The following REPS2 variants were observed in gnomAD, a reference collection of about 807,000 sequenced individuals.
The protein encoded by REPS2 is ralBP1-associated Eps domain-containing protein 2.
In REPS2, 23 loss-of-function variants were observed where a neutral mutation model predicts 53.6. The ratio of observed to expected loss-of-function variants is 0.43; its 90% CI spans 0.31 to 0.61. The LOEUF is 0.61. REPS2 is among the 20% of genes least tolerant of loss of function. The pLI is 0.11. For synonymous variants in REPS2, 238 were observed against 218.6 expected (o/e 1.09, Z -0.78); for missense variants, 446 against 534.9 (o/e 0.83, Z 1.64).
At chrX:16,969,195 T>G (rs1169274356) in intron 1 of REPS2, among the ~76,000 whole-genome samples, 2 of 106,820 alleles carry the variant, frequency 1.9e-5, no homozygotes, top group Non-Finnish European at 3.9e-5. Flanking sequence ...GCTCCTCACT[T>G]CCTAGATGGG....
intron 1 of REPS2, among the ~76,000 whole-genome samples, chrX:17,001,576 T>C (rs1170214634): frequency 8.9e-6 from 1 of 112,426 alleles, no homozygotes; most frequent in Non-Finnish European, 1.9e-5. Context: ...AAAAATGCAG[T>C]GCATGAACAT....
chrX:17,170,606 C>T, the REPS2 span, among the ~76,000 whole-genome samples: 2 of 112,500 alleles, frequency 1.8e-5, no homozygotes, highest in African/African-American at 6.5e-5. Context: ...TTCTGCCATG[C>T]ACTACTGAGA....
chrX:17,190,256 A>C, the REPS2 span, among the ~76,000 whole-genome samples: 2 of 112,347 alleles, frequency 1.8e-5, no homozygotes, highest in Admixed American at 9.4e-5. Flanking sequence ...TCTACAAGAA[A>C]ACTCCTAGAA....
chrX:17,100,644 T>C (rs1261187201), intron 13 of REPS2, among the ~76,000 whole-genome samples: 2 of 112,297 alleles, frequency 1.8e-5, no homozygotes, highest in African/African-American at 6.5e-5. Flanking sequence ...ATGCTCCCCT[T>C]TGAGATCAAG....
chrX:17,082,918 C>T (rs771721820), intron 13 of REPS2, among the ~76,000 whole-genome samples: 17 of 110,809 alleles, frequency 1.5e-4, no homozygotes, highest in Non-Finnish European at 2.6e-4. Context: ...GCTTTTCACT[C>T]TTTAGCTGCA....
intron 1 of REPS2, among the ~76,000 whole-genome samples, chrX:16,975,264 C>T (rs781734854): frequency 2.7e-5 from 3 of 111,803 alleles, no homozygotes; most frequent in Non-Finnish European, 3.8e-5. Context: ...ATGGTATTTC[C>T]GTTTTTAGGT....
intron 4 of REPS2, among the ~76,000 whole-genome samples, chrX:17,027,659 G>GTT (rs761592588): frequency 0.058 from 3,878 of 67,238 alleles, 129 homozygotes; most frequent in Non-Finnish European, 0.08. Context: ...AAATCTTTAG[G>GTT]TTTTTTTTTT....
intron 5 of REPS2, among the ~76,000 whole-genome samples, chrX:17,038,207 T>C (rs2061790389): frequency 8.9e-6 from 1 of 112,212 alleles, no homozygotes; most frequent in African/African-American, 3.2e-5. Flanking sequence ...AAACTGACAA[T>C]TGCCCTAAAG....
At chrX:17,133,159 T>C (rs2063317209) in intron 14 of REPS2, among the ~76,000 whole-genome samples, 1 of 111,283 alleles carries the variant, frequency 9.0e-6, no homozygotes, top group Admixed American at 9.5e-5. Flanking sequence ...CTCCCTTCTT[T>C]GCAGGGGCCT....
At chrX:17,177,495 CAG>C in the REPS2 span, among the ~76,000 whole-genome samples, 4 of 111,888 alleles carry the variant, frequency 3.6e-5, no homozygotes, top group African/African-American at 1.3e-4. Context: ...TAGAGAGAAA[CAG>C]GGCAGTTGCT....
At chrX:17,114,659 G>A (rs1421373291) in intron 14 of REPS2, among the ~76,000 whole-genome samples, 3 of 112,482 alleles carry the variant, frequency 2.7e-5, no homozygotes, top group Non-Finnish European at 5.6e-5. Flanking sequence ...TTAGAGACCA[G>A]CTCTCAGAAA....
intron 13 of REPS2, among the ~76,000 whole-genome samples, chrX:17,093,190 A>G (rs1396935076): frequency 3.6e-4 from 5 of 13,906 alleles, no homozygotes; most frequent in African/African-American, 5.3e-4. Context: ...ATATATATAT[A>G]TATATATATA....
chrX:16,968,513 C>T (rs764092646), intron 1 of REPS2, among the ~76,000 whole-genome samples: 28 of 96,995 alleles, frequency 2.9e-4, no homozygotes, highest in South Asian at 9.7e-4. Flanking sequence ...GCTGGCCGGG[C>T]GGGGGGCTGA....
chrX:17,148,853 A>G lies in REPS2; in HGVS notation c.*1372A>G. The G allele has an allele frequency of 2.8e-6, 1 of 353,166 alleles. No homozygotes were observed. The highest frequency in any genetic ancestry group is 5.5e-6 in the Non-Finnish European group (1 of 182,869). The allele number at this position is 353,166 out of a possible 1,213,427, so 29.1% of individuals were successfully genotyped here. ...TTACTAATTTCCCCATTCTTAGGGT[A>G]GCAGGGTGGGGGTGTATAGGGTCTT... On this transcript the variant is annotated 3_prime_UTR_variant, in exon 18 of 18. Transcript: ENST00000357277.
intron 11 of REPS2, among the ~76,000 whole-genome samples, chrX:17,073,832 T>G (rs1223831741): frequency 1.9e-5 from 2 of 107,862 alleles, no homozygotes; most frequent in Admixed American, 2.0e-4. Context: ...GGGGGTTGTC[T>G]TTTTATACTG....
intron 5 of REPS2, among the ~76,000 whole-genome samples, chrX:17,037,045 T>C (rs1053380332): frequency 9.0e-6 from 1 of 110,864 alleles, no homozygotes; most frequent in Non-Finnish European, 1.9e-5. Context: ...GAGTCTACTA[T>C]AGAACCCACA....
At chrX:17,169,143 G>A in the REPS2 span, among the ~76,000 whole-genome samples, 1 of 112,453 alleles carries the variant, frequency 8.9e-6, no homozygotes, top group Non-Finnish European at 1.9e-5. Context: ...ACAGACATGG[G>A]TGAGCACAAC....
the REPS2 span, among the ~76,000 whole-genome samples, chrX:17,172,001 A>G: frequency 1.8e-5 from 2 of 111,787 alleles, no homozygotes; most frequent in Admixed American, 9.5e-5. Context: ...AGGCTCACTT[A>G]AAGATAAATT....
intron 1 of REPS2, among the ~76,000 whole-genome samples, chrX:16,996,982 T>A (rs2061241756): frequency 8.9e-6 from 1 of 112,650 alleles, no homozygotes; most frequent in Non-Finnish European, 1.9e-5. Context: ...TGTAATTTTA[T>A]TTTTGAGAAG....
Sources: gnomAD v4.1 joint callset for allele counts (sites outside exome capture counted in the v4.1 genomes callset) on GRCh38, gnomAD v4.1.1 for gene constraint, MANE v1.5 for transcripts, NCBI Gene and HGNC (gene_info 2026-07-23, HGNC 2026-07-21) for gene names.